Variants in TXNRD1 observed in about 807,000 individuals in gnomAD.
TXNRD1 encodes thioredoxin reductase 1, also known as thioredoxin reductase 1, cytoplasmic.
Under a neutral mutation model 80.3 loss-of-function variants are expected in TXNRD1, and 57 were observed. That is an observed-to-expected ratio of 0.71 (90% CI 0.57 to 0.89). The LOEUF (loss-of-function observed/expected upper bound fraction) is 0.89. Ranked by LOEUF, TXNRD1 falls within the 40% of genes least tolerant of loss-of-function variation. TXNRD1 has a pLI of 0.00. For missense variants in TXNRD1, 730 were observed against 803.0 expected (o/e 0.91, Z 1.10); for synonymous variants, 291 against 285.2 (o/e 1.02, Z -0.20).
chr12:104,309,721 C>T (rs35205057), intron 4 of TXNRD1: 10 of 1,436,936 alleles, frequency 7.0e-6, no homozygotes, highest in Non-Finnish European at 8.4e-6. Flanking sequence ...ATCCTTTGAT[C>T]GAATGGCTAT....
At chr12:104,247,900 C>T (rs1214896400) in intron 1 of TXNRD1, among the ~76,000 whole-genome samples, 1 of 152,150 alleles carries the variant, frequency 6.6e-6, no homozygotes, top group Admixed American at 6.6e-5. Flanking sequence ...ACAGCTCTGA[C>T]GCTGATACCA....
chr12:104,296,488 G>A (rs2034439851), intron 4 of TXNRD1, among the ~76,000 whole-genome samples: 1 of 152,160 alleles, frequency 6.6e-6, no homozygotes, highest in South Asian at 2.1e-4. Flanking sequence ...GCTCGCTGCA[G>A]CCTCAACCCC....
intron 3 of TXNRD1, chr12:104,287,109 T>C: frequency 6.8e-7 from 1 of 1,464,552 alleles, no homozygotes; most frequent in Non-Finnish European, 9.0e-7. Context: ...CTCAAATTCT[T>C]GTAAGCTCTG....
chr12:104,260,032 C>T (rs950192447), intron 3 of TXNRD1, among the ~76,000 whole-genome samples: 2 of 152,184 alleles, frequency 1.3e-5, no homozygotes, highest in Admixed American at 6.6e-5. Flanking sequence ...CCAGAGAAGT[C>T]AATTAACTTC....
intron 1 of TXNRD1, among the ~76,000 whole-genome samples, chr12:104,233,888 C>T (rs2032678178): frequency 2.0e-5 from 3 of 152,130 alleles, no homozygotes; most frequent in Admixed American, 6.5e-5. Context: ...AAAATCAAAA[C>T]AAGGATCAGC....
At chr12:104,232,479 C>G (rs772589132) in intron 1 of TXNRD1, among the ~76,000 whole-genome samples, 3 of 151,956 alleles carry the variant, frequency 2.0e-5, no homozygotes, top group South Asian at 2.1e-4. Flanking sequence ...AGGAGAATTC[C>G]TTGAACCTGG....
In TXNRD1 at chr12:104,294,233, G is replaced by GGGGCCC. The variant is rs60817773; in HGVS notation, c.414+5193_414+5194insGGGCCC. On this transcript the variant is annotated intron_variant, in intron 4 of 16. Transcript: ENST00000525566. ...CTTCTCTAAACTCCCCCGGGGAAAG[G>GGGGCCC]CCCCCCCCCCCGCCGCCGGCTTTCC... Among the ~76,000 whole-genome samples the GGGGCCC allele has an allele frequency of 4.4e-5, 3 of 68,908 alleles. 1 individual carries two copies. The highest frequency in any genetic ancestry group is 8.3e-5 in the Non-Finnish European group (3 of 36,166). 45.2% of individuals were successfully genotyped at this position (68,908 alleles called of 152,430 possible). A position where few individuals can be genotyped will look rare whatever the true frequency, so the allele number is the denominator to read the frequency against.
At chr12:104,250,796 C>G (rs372328637) in intron 1 of TXNRD1, among the ~76,000 whole-genome samples, 37 of 152,122 alleles carry the variant, frequency 2.4e-4, no homozygotes, top group African/African-American at 8.2e-4. Context: ...TGGGCTTGAA[C>G]TTGGTTTATT....
chr12:104,221,491 A>G (rs904225170), intron 1 of TXNRD1, among the ~76,000 whole-genome samples: 1 of 151,814 alleles, frequency 6.6e-6, no homozygotes. Context: ...CTAATTTTGT[A>G]TTTTTTGTAA....
chr12:104,271,399 G>A (rs978911715), intron 3 of TXNRD1, among the ~76,000 whole-genome samples: 17 of 151,912 alleles, frequency 1.1e-4, no homozygotes, highest in Non-Finnish European at 2.4e-4. Flanking sequence ...GGATGGTCTC[G>A]ATCTCCTGAC....
intron 4 of TXNRD1, chr12:104,303,909 A>T: frequency 6.4e-7 from 1 of 1,558,822 alleles, no homozygotes; most frequent in South Asian, 1.2e-5. Flanking sequence ...TACGCGGCGA[A>T]GTAGGCGGCG....
At chr12:104,323,783 G>A (rs1437529105) in intron 10 of TXNRD1, among the ~76,000 whole-genome samples, 4 of 142,998 alleles carry the variant, frequency 2.8e-5, no homozygotes, top group Admixed American at 6.9e-5. Flanking sequence ...CCTCCCGGAC[G>A]GGGCGGCTGG....
intron 2 of TXNRD1, among the ~76,000 whole-genome samples, chr12:104,252,657 ATTTT>A (rs67054728): frequency 6.6e-4 from 25 of 38,080 alleles, no homozygotes; most frequent in African/African-American, 2.0e-3. Context: ...TTAATTTATT[ATTTT>A]TTATATATAT....
Position 104,319,069 on chromosome 12 carries a change from A to G in TXNRD1, c.873+14A>G. On this transcript the variant is annotated intron_variant, in intron 8 of 16. Transcript: ENST00000525566. Reference sequence around the variant, plus strand: ...CACAGGATTAAGGTAATTGTGTGACATCCTGACTAGCTTTTTTTTTTTCTT... The same window carrying G: ...CACAGGATTAAGGTAATTGTGTGACGTCCTGACTAGCTTTTTTTTTTTCTT... The G allele has an allele frequency of 6.4e-7, 1 of 1,574,340 alleles. No individual in the cohort carries two copies.
At chr12:104,345,650 A>AGTAATTTCAACCAATCAG (rs1436297848) in intron 16 of TXNRD1, among the ~76,000 whole-genome samples, 2 of 10,236 alleles carry the variant, frequency 2.0e-4, no homozygotes, top group East Asian at 4.3e-3. Context: ...ATAGTTATGA[A>AGTAATTTCAACCAATCAG]GTTCACTTGT....
At chr12:104,305,059 C>G (rs984501615) in intron 4 of TXNRD1, 1 of 1,032,302 alleles carries the variant, frequency 9.7e-7, no homozygotes, top group Non-Finnish European at 1.4e-6. Flanking sequence ...GAACATCAGA[C>G]ATTGTTTTAC....
chr12:104,304,511 C>A (rs761943719), intron 4 of TXNRD1: 5 of 1,613,870 alleles, frequency 3.1e-6, no homozygotes, highest in Non-Finnish European at 3.4e-6. Flanking sequence ...GAAAAAAGTT[C>A]GCAAGATGGA....
intron 1 of TXNRD1, among the ~76,000 whole-genome samples, chr12:104,245,376 T>C (rs2032956660): frequency 6.6e-6 from 1 of 151,006 alleles, no homozygotes; most frequent in East Asian, 2.0e-4. Context: ...CTGGGCATGG[T>C]GGCACAGGCA....
chr12:104,218,997 G>A (rs1269942594), intron 1 of TXNRD1, among the ~76,000 whole-genome samples: 3 of 152,192 alleles, frequency 2.0e-5, no homozygotes, highest in East Asian at 1.9e-4. Context: ...AGATTAGAGT[G>A]CAGTGGCATG....
Sources: gnomAD v4.1 joint callset for allele counts (sites outside exome capture counted in the v4.1 genomes callset) on GRCh38, gnomAD v4.1.1 for gene constraint, MANE v1.5 for transcripts, NCBI Gene and HGNC (gene_info 2026-07-23, HGNC 2026-07-21) for gene names.